PKD1L1: variants seen among roughly 807,000 people sequenced by gnomAD.
The protein encoded by PKD1L1 is polycystin-1-like protein 1.
A neutral mutation model predicts 323.4 loss-of-function variants in PKD1L1; 236 were observed. The ratio of observed to expected loss-of-function variants is 0.73; its 90% CI spans 0.66 to 0.81. The LOEUF is 0.81. PKD1L1 is among the 40% of genes least tolerant of loss of function. The pLI, the probability that PKD1L1 is intolerant of heterozygous loss-of-function variation, is 0.00. For missense variants in PKD1L1, 3,320 were observed against 3,508.0 expected, an observed-to-expected ratio of 0.95 and a Z score of 1.35; for synonymous variants, 1,344 against 1,335.0, an observed-to-expected ratio of 1.01 and a Z score of -0.15.
At chr7:47,796,217 T>A in intron 54 of PKD1L1, 67 bp from the exon 55 acceptor site, 6 of 1,277,130 alleles carry the variant, frequency 4.7e-6, no homozygotes, top group Non-Finnish European at 6.5e-6. Flanking sequence ...TTTGTTAACG[T>A]GATAAACTAT....
chr7:47,951,818 C>G (rs1219026704), upstream of PKD1L1, among the ~76,000 whole-genome samples: 1 of 152,192 alleles, frequency 6.6e-6, no homozygotes, highest in Non-Finnish European at 1.5e-5. Flanking sequence ...TTATCATGAG[C>G]AACCAACTTC....
At chr7:47,960,377 T>TTAAAAAA in the PKD1L1 span, among the ~76,000 whole-genome samples, 5 of 89,530 alleles carry the variant, frequency 5.6e-5, no homozygotes, top group African/African-American at 2.1e-4. Context: ...AAAAAAAAAT[T>TTAAAAAA]AAAAAAAAAA....
rs1785597026 is a variant in PKD1L1 at position 47,843,139 on chromosome 7, A to G, written c.5268T>C (p.Phe1756=). The G allele has an allele frequency of 6.2e-7, 1 of 1,612,776 alleles. No homozygotes were observed. The highest frequency in any genetic ancestry group is 8.5e-7 in the Non-Finnish European group (1 of 1,179,662). The part of the protein sequence containing the change: ...SHPENLLPSI[F]IMGSVILYGF... ...CATAAAGAATCACAGAACCCATAAT[A>G]AAAATACTGGGAAGCAAGTTTTCTG... is the stretch of plus-strand genomic sequence containing the variant. The change falls in exon 34 of 57, where the codon TTT becomes TTC. Residue 1756 remains phenylalanine (F), a synonymous_variant. Coordinates refer to ENST00000289672, the MANE Select transcript of PKD1L1 (RefSeq NM_138295.5).
intron 33 of PKD1L1, among the ~76,000 whole-genome samples, 197 bp from the exon 34 acceptor site, chr7:47,843,366 C>A (rs1373818366): frequency 6.6e-6 from 1 of 152,142 alleles, no homozygotes; most frequent in Non-Finnish European, 1.5e-5. Flanking sequence ...AGCAGCACCC[C>A]ACAAGCATGG....
At chr7:47,947,995 C>G (rs1442462649) in intron 1 of PKD1L1, among the ~76,000 whole-genome samples, 1 of 152,066 alleles carries the variant, frequency 6.6e-6, no homozygotes, top group Non-Finnish European at 1.5e-5. Flanking sequence ...ACCCCTGGGC[C>G]AAGACCCCAT....
chr7:47,787,108 G>A (rs928171186), intron 56 of PKD1L1, among the ~76,000 whole-genome samples: 7 of 152,066 alleles, frequency 4.6e-5, no homozygotes, highest in Admixed American at 6.6e-5. Flanking sequence ...AAATTCAAAC[G>A]AATTGTTTCC....
intron 49 of PKD1L1, 45 bp downstream of exon 49, chr7:47,813,076 G>A (rs1554396666): frequency 2.5e-6 from 4 of 1,582,892 alleles, no homozygotes; most frequent in Non-Finnish European, 3.4e-6. Context: ...AGCTGGAGTG[G>A]CGGTGGCAGG....
intron 49 of PKD1L1, among the ~76,000 whole-genome samples, 193 bp downstream of exon 49, chr7:47,812,928 G>A (rs1784931615): frequency 6.6e-6 from 1 of 152,254 alleles, no homozygotes; most frequent in African/African-American, 2.4e-5. Flanking sequence ...CCCACGTGGA[G>A]GCCTGAGCCT....
upstream of PKD1L1, among the ~76,000 whole-genome samples, chr7:47,952,786 A>C (rs1292319200): frequency 1.3e-5 from 2 of 152,318 alleles, no homozygotes; most frequent in East Asian, 3.9e-4. Flanking sequence ...TTTTAAAGCC[A>C]TTGTCAAGTT....
At chr7:47,915,696 A>G in intron 7 of PKD1L1, 97 bp from the exon 8 acceptor site, 1 of 714,850 alleles carries the variant, frequency 1.4e-6, no homozygotes. Context: ...AGTTCTTTAA[A>G]TAAACTAATG....
At chr7:47,958,870 G>C in the PKD1L1 span, among the ~76,000 whole-genome samples, 1 of 152,068 alleles carries the variant, frequency 6.6e-6, no homozygotes, top group Non-Finnish European at 1.5e-5. Context: ...CACTGATGCC[G>C]AGCCGAAGCT....
Position 47,866,502 on chromosome 7 carries a change from C to T in PKD1L1, c.4009G>A (p.Asp1337Asn). ...CATTGGTTGCAGGAGGCAGTTTTGT[C>T]CTCCTTAGACAAACGACTCAGGATT... is the stretch of plus-strand genomic sequence containing the variant. ...TRILSRLSKE[D>N]KTASCNQWSR... The change falls in exon 25 of 57, where the codon GAC (aspartate) becomes AAC (asparagine). Residue 1337 changes from aspartate to asparagine, a missense_variant. Transcript: ENST00000289672. 1.2e-6 allele frequency: 2 copies of T among 1,614,016 alleles called. No individual in the cohort carries two copies. The highest frequency in any genetic ancestry group is 1.3e-5 in the African/African-American group (1 of 75,046).
Position 47,940,318 on chromosome 7 carries a change from C to G in PKD1L1, c.161-1G>C, listed in dbSNP as rs754023429. On this transcript the variant is annotated splice_acceptor_variant, in intron 2 of 56. Transcript: ENST00000289672. LOFTEE classifies it high-confidence loss of function. ...AGAAGCACATGATTAGCATAGACCT[C>G]TAGAGAAAAAAAAAAAAGCAAACAT... 1 of 1,603,630 alleles carries G rather than the reference C, an allele frequency of 6.2e-7. No individual in the cohort carries two copies. The highest frequency in any genetic ancestry group is 8.5e-7 in the Non-Finnish European group (1 of 1,175,966).
chr7:47,862,655 G>A (rs372588926), intron 26 of PKD1L1, among the ~76,000 whole-genome samples: 18 of 152,170 alleles, frequency 1.2e-4, no homozygotes, highest in African/African-American at 4.1e-4. Flanking sequence ...GTGGGTCTAG[G>A]ACAATGTCTC....
chr7:47,857,600 T>C lies in PKD1L1; in HGVS notation c.4590+5A>G. The stretch of plus-strand genomic sequence containing the variant: ...AGAAGTGGCAGGTCATCTGTCAGCT[T>C]GTACCTGCCCAGGAGCTTGGCTCCC... On this transcript the variant is annotated splice_donor_5th_base_variant and intron_variant, in intron 28 of 56. Transcript: ENST00000289672. The C allele has an allele frequency of 6.2e-7, 1 of 1,612,056 alleles. No individual in the cohort carries two copies. Among genetic ancestry groups the C allele is most frequent in the South Asian group, 1.1e-5 (1 of 90,944 alleles).
At chr7:47,809,399 T>C (rs1784847109) in intron 51 of PKD1L1, 74 bp downstream of exon 51, 4 of 1,178,548 alleles carry the variant, frequency 3.4e-6, no homozygotes, top group Middle Eastern at 2.1e-4. Context: ...ATCAATTTCT[T>C]ATTTAAATTA....
intron 4 of PKD1L1, among the ~76,000 whole-genome samples, chr7:47,934,870 C>A (rs879614927): frequency 6.6e-6 from 1 of 152,296 alleles, no homozygotes; most frequent in East Asian, 1.9e-4. Flanking sequence ...AAGACCCTTT[C>A]CTTCTAACCA....
rs143256180 is a variant in PKD1L1, at chr7:47,831,023, G to A, written c.6473+194C>T. ...CTGCTGCCATGGCAGAGCTGGCCAG[G>A]CCAAGCCACCCTTTGGGATCTGCAT... On this transcript the variant is annotated intron_variant, in intron 42 of 56. Transcript: ENST00000289672. Among the ~76,000 whole-genome samples, 734 of 152,274 alleles carry A rather than the reference G, an allele frequency of 4.8e-3. 8 individuals are homozygous for A. Among genetic ancestry groups the A allele is most frequent in the South Asian group, 0.012 (60 of 4,818 alleles).
At chr7:47,886,600 G>A (rs74771340) in intron 17 of PKD1L1, among the ~76,000 whole-genome samples, 7 of 151,996 alleles carry the variant, frequency 4.6e-5, no homozygotes, top group African/African-American at 7.3e-5. Flanking sequence ...CTCTGAGTTC[G>A]TGGGAAGTCT....
Sources: allele counts gnomAD v4.1 joint callset (sites outside exome capture counted in the v4.1 genomes callset), GRCh38; gene constraint gnomAD v4.1.1; transcripts MANE v1.5; gene names NCBI Gene and HGNC (gene_info 2026-07-23, HGNC 2026-07-21).